Variants in CNTNAP2 observed in about 807,000 individuals in gnomAD.
The protein encoded by CNTNAP2 is contactin-associated protein-like 2.
A neutral mutation model predicts 155.2 loss-of-function variants in CNTNAP2; 98 were observed. The observed-to-expected ratio is 0.63, with a 90% CI of 0.54 to 0.75. CNTNAP2 has a LOEUF of 0.75. CNTNAP2 is among the 30% of genes least tolerant of loss of function. The pLI, the probability that CNTNAP2 is intolerant of heterozygous loss-of-function variation, is 0.00. For missense variants in CNTNAP2, 1,727 were observed against 1,688.1 expected (o/e 1.02, Z -0.40); for synonymous variants, 651 against 631.2 (o/e 1.03, Z -0.47).
chr7:146,462,804 G>A (rs1796657462), intron 1 of CNTNAP2, among the ~76,000 whole-genome samples: 1 of 152,140 alleles, frequency 6.6e-6, no homozygotes, highest in South Asian at 2.1e-4. Flanking sequence ...TAGTAGCATT[G>A]TGGATCACAT....
intron 3 of CNTNAP2, among the ~76,000 whole-genome samples, chr7:146,926,251 TTG>T (rs149925170): frequency 0.05 from 7,509 of 150,490 alleles, 233 homozygotes; most frequent in Middle Eastern, 0.085. Flanking sequence ...CTGTGTACAT[TTG>T]TGTGTGTGTG....
At chr7:148,048,462 T>C (rs1359131049) in intron 15 of CNTNAP2, among the ~76,000 whole-genome samples, 3 of 152,172 alleles carry the variant, frequency 2.0e-5, no homozygotes, top group Non-Finnish European at 4.4e-5. Flanking sequence ...ACATGTGTGC[T>C]TCTTTGACAT....
intron 3 of CNTNAP2, among the ~76,000 whole-genome samples, chr7:147,030,196 G>C (rs1799002966): frequency 6.6e-6 from 1 of 152,076 alleles, no homozygotes; most frequent in South Asian, 2.1e-4. Context: ...TTTTTCCATG[G>C]GGCTACATTG....
At chr7:147,263,897 A>C (rs1245594737) in intron 8 of CNTNAP2, among the ~76,000 whole-genome samples, 1 of 152,186 alleles carries the variant, frequency 6.6e-6, no homozygotes, top group Non-Finnish European at 1.5e-5. Flanking sequence ...GCAAAGCAAG[A>C]CGTATAGGGG....
intron 13 of CNTNAP2, among the ~76,000 whole-genome samples, chr7:147,848,469 C>T (rs1177261275): frequency 3.3e-5 from 5 of 150,432 alleles, no homozygotes; most frequent in Non-Finnish European, 7.4e-5. Flanking sequence ...ACACGGTGCG[C>T]ACACACACTG....
chr7:146,738,520 G>A (rs976103619), intron 1 of CNTNAP2, among the ~76,000 whole-genome samples: 4 of 151,544 alleles, frequency 2.6e-5, no homozygotes, highest in Admixed American at 6.6e-5. Flanking sequence ...TGTTTCATGC[G>A]TTCCCATTTG....
intron 3 of CNTNAP2, among the ~76,000 whole-genome samples, chr7:146,842,994 C>CTT (rs35387068): frequency 0.018 from 240 of 13,664 alleles, 73 homozygotes; most frequent in African/African-American, 0.063. Context: ...CTGTCCCACA[C>CTT]TTTTTTTTTT....
At chr7:148,375,416 A>G (rs1288169367) in intron 21 of CNTNAP2, among the ~76,000 whole-genome samples, 1 of 149,704 alleles carries the variant, frequency 6.7e-6, no homozygotes, top group Non-Finnish European at 1.5e-5. Context: ...CTTGAGCGCA[A>G]TGCCGTGATC....
chr7:147,217,496 T>G (rs1470925956), intron 8 of CNTNAP2, among the ~76,000 whole-genome samples: 5 of 152,060 alleles, frequency 3.3e-5, no homozygotes. Flanking sequence ...ATACCTGAGA[T>G]AAATCTAAGT....
At chr7:146,294,464 C>T (rs73459968) in intron 1 of CNTNAP2, among the ~76,000 whole-genome samples, 13,046 of 152,216 alleles carry the variant, frequency 0.086, 1,575 homozygotes, top group African/African-American at 0.27. Flanking sequence ...GGCCCAGATC[C>T]AAACAGCTTT....
intron 5 of CNTNAP2, 32 bp from the exon 6 acceptor site, chr7:147,120,942 TCATTG>T (rs1563083743): frequency 6.2e-7 from 1 of 1,601,344 alleles, no homozygotes; most frequent in Admixed American, 1.7e-5. Context: ...GGCCATAGCA[TCATTG>T]CATTGTTTCT....
intron 1 of CNTNAP2, among the ~76,000 whole-genome samples, chr7:146,243,135 A>G (rs1799590530): frequency 6.6e-6 from 1 of 152,098 alleles, no homozygotes; most frequent in Non-Finnish European, 1.5e-5. Flanking sequence ...TTGATTAGTT[A>G]TATTTGATTA....
chr7:148,182,199 A>G (rs1795049768), intron 18 of CNTNAP2, among the ~76,000 whole-genome samples: 1 of 152,176 alleles, frequency 6.6e-6, no homozygotes, highest in African/African-American at 2.4e-5. Context: ...TGTGAAGTTC[A>G]CAGAAATAAC....
chr7:148,392,923 TC>T (rs1799385086), intron 22 of CNTNAP2, among the ~76,000 whole-genome samples: 1 of 128,752 alleles, frequency 7.8e-6, no homozygotes, highest in Non-Finnish European at 1.7e-5. Flanking sequence ...AGGAACTCAC[TC>T]AGGCTTCCCG....
intron 13 of CNTNAP2, among the ~76,000 whole-genome samples, chr7:147,851,776 G>T: frequency 7.7e-6 from 1 of 130,456 alleles, no homozygotes. Flanking sequence ...GGGGGGAGGG[G>T]GGAAGGATAG....
At chr7:146,822,323 G>A (rs1275503487) in intron 2 of CNTNAP2, among the ~76,000 whole-genome samples, 2 of 152,018 alleles carry the variant, frequency 1.3e-5, no homozygotes, top group African/African-American at 2.4e-5. Context: ...GCCTGTTGTG[G>A]CGTGGGGGCA....
At chr7:146,343,716 A>G (rs868685301) in intron 1 of CNTNAP2, among the ~76,000 whole-genome samples, 15 of 152,200 alleles carry the variant, frequency 9.9e-5, no homozygotes, top group Non-Finnish European at 2.2e-4. Flanking sequence ...TAAATTATCA[A>G]TGTATGTAAA....
intron 3 of CNTNAP2, among the ~76,000 whole-genome samples, chr7:146,980,591 T>C (rs1287364215): frequency 6.6e-6 from 1 of 152,136 alleles, no homozygotes; most frequent in African/African-American, 2.4e-5. Flanking sequence ...TTTCTGCTGA[T>C]GTCCTCAAGT....
intron 3 of CNTNAP2, among the ~76,000 whole-genome samples, chr7:147,020,169 ATCC>A (rs1798795223): frequency 1.3e-5 from 2 of 152,170 alleles, no homozygotes; most frequent in African/African-American, 4.8e-5. Flanking sequence ...ATGATCCCAA[ATCC>A]TAGGATGAGC....
Sources: allele counts gnomAD v4.1 joint callset (sites outside exome capture counted in the v4.1 genomes callset), GRCh38; gene constraint gnomAD v4.1.1; transcripts MANE v1.5; gene names NCBI Gene and HGNC (gene_info 2026-07-23, HGNC 2026-07-21).